ATP9B: variants seen among roughly 807,000 people sequenced by gnomAD.
ATP9B encodes probable phospholipid-transporting ATPase IIB.
A neutral mutation model predicts 146.1 loss-of-function variants in ATP9B; 110 were observed. That is an observed-to-expected ratio of 0.75 (90% CI 0.65 to 0.88). ATP9B has a LOEUF of 0.88. Among genes scored for constraint, ATP9B ranks in the 40% least tolerant of loss-of-function variants. The pLI is 0.00. For missense variants in ATP9B, 1,499 were observed against 1,496.4 expected (o/e 1.00, Z -0.03); for synonymous variants, 604 against 569.7 (o/e 1.06, Z -0.86).
chr18:79,273,016 G>C (rs1280402285), intron 12 of ATP9B, among the ~76,000 whole-genome samples: 2 of 152,232 alleles, frequency 1.3e-5, no homozygotes, highest in Non-Finnish European at 1.5e-5. Context: ...GGCACTGGAA[G>C]GAAAAGGGAA....
intron 26 of ATP9B, chr18:79,362,779 A>G (rs1038473283): frequency 6.6e-6 from 1 of 152,242 alleles, no homozygotes; most frequent in Non-Finnish European, 1.5e-5. Context: ...ATAATCTTAC[A>G]TTACCAGCTA....
At chr18:79,193,032 A>C (rs2095383116) in intron 8 of ATP9B, 151 bp from the exon 9 acceptor site, 1 of 633,516 alleles carries the variant, frequency 1.6e-6, no homozygotes, top group South Asian at 2.2e-5. Flanking sequence ...CTGACATTCT[A>C]ATTTATAGTG....
chr18:79,328,999 G>T (rs547781272), intron 15 of ATP9B, 142 bp from the exon 16 acceptor site: 6 of 804,504 alleles, frequency 7.5e-6, no homozygotes, highest in Non-Finnish European at 8.9e-6. Flanking sequence ...ATACTTAGCC[G>T]TGAAAACAAA....
At chr18:79,320,498 G>T (rs1199227295) in intron 15 of ATP9B, among the ~76,000 whole-genome samples, 1 of 152,228 alleles carries the variant, frequency 6.6e-6, no homozygotes, top group Non-Finnish European at 1.5e-5. Context: ...AGGCCAGGGG[G>T]ACAGTCAGAG....
intron 12 of ATP9B, among the ~76,000 whole-genome samples, chr18:79,258,472 T>C (rs182263195): frequency 7.6e-4 from 116 of 152,266 alleles, no homozygotes; most frequent in Non-Finnish European, 3.8e-4. Flanking sequence ...ATAAGTATTA[T>C]CTGTAATCCT....
intron 6 of ATP9B, among the ~76,000 whole-genome samples, chr18:79,144,542 C>G (rs1179274816): frequency 6.6e-6 from 1 of 152,192 alleles, no homozygotes; most frequent in Non-Finnish European, 1.5e-5. Context: ...AATGCTGCTG[C>G]TGATCTGACA....
chr18:79,309,416 T>G (rs1391607602), intron 15 of ATP9B, among the ~76,000 whole-genome samples: 1 of 142,032 alleles, frequency 7.0e-6, no homozygotes, highest in African/African-American at 2.7e-5. Context: ...CCCCAGCAGG[T>G]AGAAGGTCAG....
intron 6 of ATP9B, among the ~76,000 whole-genome samples, chr18:79,150,071 CTG>C (rs1195826321): frequency 6.9e-6 from 1 of 145,644 alleles, no homozygotes; most frequent in Non-Finnish European, 1.5e-5. Context: ...CAGAGCAAGA[CTG>C]TATCTCAAAA....
intron 8 of ATP9B, among the ~76,000 whole-genome samples, chr18:79,184,813 C>T (rs1458314084): frequency 6.6e-6 from 1 of 152,090 alleles, no homozygotes; most frequent in East Asian, 1.9e-4. Context: ...AAAGCCCCAC[C>T]CTCTGCATCC....
Position 79,321,727 on chromosome 18 carries a change from AT to A in ATP9B, c.1774-7413del, listed in dbSNP as rs368884579. On this transcript the variant is annotated intron_variant, in intron 15 of 29. Coordinates refer to ENST00000426216, the MANE Select transcript of ATP9B (RefSeq NM_198531.5). ...AATTGGATGGAATGCTGGGCTAGGT[AT>A]AAGAAGCTAAACTGATTTTTGTTAT... 2.4e-3 allele frequency among the ~76,000 whole-genome samples: 366 copies of A among 152,348 alleles called. 1 individual carries two copies. The highest frequency in any genetic ancestry group is 6.4e-3 in the South Asian group (31 of 4,824).
At chr18:79,325,743 C>T (rs1373817341) in intron 15 of ATP9B, among the ~76,000 whole-genome samples, 1 of 152,156 alleles carries the variant, frequency 6.6e-6, no homozygotes, top group Non-Finnish European at 1.5e-5. Context: ...GTGACACCAT[C>T]GCGATCCCTG....
intron 1 of ATP9B, among the ~76,000 whole-genome samples, chr18:79,081,221 A>G (rs557741667): frequency 1.1e-4 from 16 of 152,284 alleles, no homozygotes; most frequent in Admixed American, 1.0e-3. Context: ...TACTTCTGGT[A>G]GAATTTGGCT....
intron 13 of ATP9B, among the ~76,000 whole-genome samples, chr18:79,294,925 T>C (rs2096536525): frequency 6.6e-6 from 1 of 152,234 alleles, no homozygotes; most frequent in Admixed American, 6.5e-5. Context: ...TGAGGTAATT[T>C]AACATTTCCT....
chr18:79,153,119 T>G (rs1483185627), intron 6 of ATP9B, among the ~76,000 whole-genome samples: 1 of 152,238 alleles, frequency 6.6e-6, no homozygotes, highest in Non-Finnish European at 1.5e-5. Context: ...TTCTTCAGCT[T>G]TAACATGTTA....
chr18:79,191,527 T>C (rs2095366537), intron 8 of ATP9B, among the ~76,000 whole-genome samples: 1 of 152,378 alleles, frequency 6.6e-6, no homozygotes, highest in African/African-American at 2.4e-5. Flanking sequence ...AATTTTTTCC[T>C]GTGTCTTTTT....
chr18:79,293,403 G>T (rs2096525830), intron 13 of ATP9B, among the ~76,000 whole-genome samples: 1 of 152,134 alleles, frequency 6.6e-6, no homozygotes. Context: ...TCTCATGAAT[G>T]AATGAATCTA....
intron 11 of ATP9B, among the ~76,000 whole-genome samples, chr18:79,224,416 C>T (rs189143798): frequency 5.9e-4 from 90 of 152,216 alleles, no homozygotes; most frequent in Non-Finnish European, 2.5e-4. Flanking sequence ...AGCAAGTGGG[C>T]ATGTGGATGG....
In ATP9B at chr18:79,097,107, G is replaced by A. The variant is rs935566264; in HGVS notation, c.293+458G>A. Among the ~76,000 whole-genome samples, 17 of 150,118 alleles carry A rather than the reference G, an allele frequency of 1.1e-4. No homozygotes were observed. The East Asian group carries it at 1.6e-3, about 14-fold the overall frequency. ...TGGGAGGTGGAGGTTACAGTGAGCC[G>A]AGATCGAGCCACTGCACTCCATCCT... On this transcript the variant is annotated intron_variant, in intron 2 of 29. Coordinates refer to ENST00000426216, the MANE Select transcript of ATP9B (RefSeq NM_198531.5).
intron 1 of ATP9B, among the ~76,000 whole-genome samples, chr18:79,080,933 A>G (rs1317396277): frequency 2.0e-5 from 3 of 152,136 alleles, no homozygotes; most frequent in African/African-American, 7.2e-5. Flanking sequence ...ATTGATTTGC[A>G]TATGTTGAAC....
Sources: allele counts gnomAD v4.1 joint callset (sites outside exome capture counted in the v4.1 genomes callset), GRCh38; gene constraint gnomAD v4.1.1; transcripts MANE v1.5; gene names NCBI Gene and HGNC (gene_info 2026-07-23, HGNC 2026-07-21).